Variants in NKAIN2 observed in about 807,000 individuals in gnomAD.
NKAIN2 encodes the protein sodium/potassium transporting ATPase interacting 2, also known as sodium/potassium-transporting ATPase subunit beta-1-interacting protein 2.
In NKAIN2, 14 loss-of-function variants were observed where a neutral mutation model predicts 32.6. The ratio of observed to expected loss-of-function variants is 0.43; its 90% CI spans 0.28 to 0.67. The LOEUF (loss-of-function observed/expected upper bound fraction) is 0.67. Ranked by LOEUF, NKAIN2 falls within the 30% of genes least tolerant of loss-of-function variation. The pLI, the probability that NKAIN2 is intolerant of heterozygous loss-of-function variation, is 0.17. For synonymous variants in NKAIN2, 80 were observed against 87.2 expected (o/e 0.92, Z 0.46); for missense variants, 198 against 258.3 (o/e 0.77, Z 1.60).
chr6:124,038,243 GTT>G (rs201559944), intron 1 of NKAIN2, among the ~76,000 whole-genome samples: 1 of 146,200 alleles, frequency 6.8e-6, no homozygotes, highest in Non-Finnish European at 1.5e-5. Flanking sequence ...GATGTGAAAA[GTT>G]TTTTTTTTTT....
At chr6:124,084,509 G>A (rs2114914415) in intron 1 of NKAIN2, among the ~76,000 whole-genome samples, 1 of 151,990 alleles carries the variant, frequency 6.6e-6, no homozygotes, top group South Asian at 2.1e-4. Flanking sequence ...ACCTAACCAT[G>A]TATTTCTCAG....
At chr6:124,385,837 A>G (rs905505738) in intron 3 of NKAIN2, among the ~76,000 whole-genome samples, 3 of 152,174 alleles carry the variant, frequency 2.0e-5, no homozygotes, top group Non-Finnish European at 2.9e-5. Flanking sequence ...TGATACATGT[A>G]CATACTCATA....
At chr6:124,804,090 C>T (rs557454050) in intron 5 of NKAIN2, among the ~76,000 whole-genome samples, 7 of 152,156 alleles carry the variant, frequency 4.6e-5, no homozygotes, top group Non-Finnish European at 8.8e-5. Flanking sequence ...ACAACCTGAG[C>T]ACAGGTCTTC....
In NKAIN2 at chr6:124,823,549, C is replaced by T. The variant is rs1426207572; in HGVS notation, c.*320C>T. On this transcript the variant is annotated 3_prime_UTR_variant, in exon 7 of 7. Coordinates refer to ENST00000368417, the MANE Select transcript of NKAIN2 (RefSeq NM_001040214.3). ...CAGAAGGAGATGTGTTGATGCCCAA[C>T]GGTTGCCGGCCATTGCTAACTCCTC... The T allele has an allele frequency of 1.7e-5, 5 of 300,712 alleles. No homozygotes were observed. Among genetic ancestry groups the T allele is most frequent in the East Asian group, 5.8e-5 (1 of 17,098 alleles). 18.6% of individuals were successfully genotyped at this position (300,712 alleles called of 1,614,324 possible).
At chr6:124,216,442 C>A (rs1317148147) in intron 1 of NKAIN2, among the ~76,000 whole-genome samples, 4 of 152,134 alleles carry the variant, frequency 2.6e-5, no homozygotes, top group Non-Finnish European at 1.5e-5. Context: ...TGAAAAGCAG[C>A]CAAAAATTTG....
chr6:124,168,368 A>C (rs1240986733), intron 1 of NKAIN2, among the ~76,000 whole-genome samples: 2 of 152,126 alleles, frequency 1.3e-5, no homozygotes, highest in Non-Finnish European at 1.5e-5. Flanking sequence ...GAATTTAATG[A>C]TGGTTCAGAA....
At chr6:124,573,254 A>G (rs1036456098) in intron 3 of NKAIN2, among the ~76,000 whole-genome samples, 1 of 152,182 alleles carries the variant, frequency 6.6e-6, no homozygotes, top group Non-Finnish European at 1.5e-5. Context: ...CTGTTATACA[A>G]TGTTGTTTGG....
At chr6:124,143,600 T>C (rs1019335859) in intron 1 of NKAIN2, among the ~76,000 whole-genome samples, 4 of 152,220 alleles carry the variant, frequency 2.6e-5, no homozygotes, top group African/African-American at 9.6e-5. Flanking sequence ...TCAGACCTAA[T>C]TGGAATATGT....
intron 1 of NKAIN2, among the ~76,000 whole-genome samples, chr6:123,839,261 G>A (rs1196611250): frequency 1.3e-5 from 2 of 151,320 alleles, no homozygotes; most frequent in Admixed American, 6.6e-5. Context: ...CAATTTCAGA[G>A]TAACTTTTAC....
chr6:124,739,345 G>A (rs901313414), intron 4 of NKAIN2, among the ~76,000 whole-genome samples: 1 of 151,836 alleles, frequency 6.6e-6, no homozygotes, highest in Non-Finnish European at 1.5e-5. Context: ...GCCAATATCA[G>A]CATGGGCAGA....
chr6:124,092,416 G>A (rs1268627783), intron 1 of NKAIN2, among the ~76,000 whole-genome samples: 1 of 152,002 alleles, frequency 6.6e-6, no homozygotes. Flanking sequence ...AAGTATTTTA[G>A]TGATTCTTAT....
At chr6:124,612,073 A>G (rs1009334044) in intron 3 of NKAIN2, among the ~76,000 whole-genome samples, 4 of 152,072 alleles carry the variant, frequency 2.6e-5, no homozygotes, top group African/African-American at 9.7e-5. Context: ...AGATTATATC[A>G]TTTATGTTTT....
At chr6:123,953,724 C>T (rs1777432485) in intron 1 of NKAIN2, among the ~76,000 whole-genome samples, 1 of 152,100 alleles carries the variant, frequency 6.6e-6, no homozygotes, top group African/African-American at 2.4e-5. Flanking sequence ...GCCTAGTAGA[C>T]CTTTTGTCAG....
intron 1 of NKAIN2, among the ~76,000 whole-genome samples, chr6:124,056,433 AG>A (rs1782656501): frequency 6.6e-6 from 1 of 152,088 alleles, no homozygotes; most frequent in African/African-American, 2.4e-5. Flanking sequence ...ATAGCCAAAA[AG>A]AAAAAAAAAG....
At chr6:124,692,653 A>T (rs947398904) in intron 4 of NKAIN2, among the ~76,000 whole-genome samples, 13 of 152,128 alleles carry the variant, frequency 8.5e-5, no homozygotes, top group Non-Finnish European at 1.8e-4. Context: ...TGTCTCTACT[A>T]AAAATACAAA....
intron 1 of NKAIN2, among the ~76,000 whole-genome samples, chr6:123,887,188 G>A (rs1465635426): frequency 6.6e-6 from 1 of 151,906 alleles, no homozygotes; most frequent in African/African-American, 2.4e-5. Context: ...TGGGCACTTA[G>A]AAGAAGAATT....
At chr6:124,276,465 T>C (rs952143807) in intron 1 of NKAIN2, among the ~76,000 whole-genome samples, 1 of 152,134 alleles carries the variant, frequency 6.6e-6, no homozygotes, top group African/African-American at 2.4e-5. Context: ...TGTATAATCA[T>C]TGCAGACTCA....
intron 2 of NKAIN2, among the ~76,000 whole-genome samples, chr6:124,319,791 C>T (rs1217778564): frequency 6.6e-6 from 1 of 152,002 alleles, no homozygotes; most frequent in Non-Finnish European, 1.5e-5. Flanking sequence ...CATTTTTATT[C>T]TGCCCTTTGT....
chr6:124,150,456 C>T (rs1301353206), intron 1 of NKAIN2, among the ~76,000 whole-genome samples: 1 of 152,060 alleles, frequency 6.6e-6, no homozygotes, highest in African/African-American at 2.4e-5. Context: ...ATTTTACAAA[C>T]ATTTCTATAG....
Sources: allele counts gnomAD v4.1 joint callset (sites outside exome capture counted in the v4.1 genomes callset), GRCh38; gene constraint gnomAD v4.1.1; transcripts MANE v1.5; gene names NCBI Gene and HGNC (gene_info 2026-07-23, HGNC 2026-07-21).